Variants in PXDNL observed in about 807,000 individuals in gnomAD.
The protein encoded by PXDNL is peroxidasin like.
A neutral mutation model predicts 150.8 loss-of-function variants in PXDNL; 145 were observed. The observed-to-expected ratio is 0.96, with a 90% CI of 0.84 to 1.10. PXDNL has a LOEUF of 1.10. Ranked by LOEUF, PXDNL falls within the 50% of genes least tolerant of loss-of-function variation. The probability of loss-of-function intolerance (pLI) is 0.00; values close to 1 mark genes in which losing one functional copy is unlikely to be tolerated. For synonymous variants in PXDNL, 757 were observed against 725.7 expected, an observed-to-expected ratio of 1.04 and a Z score of -0.69; for missense variants, 2,087 against 1,873.9, an observed-to-expected ratio of 1.11 and a Z score of -2.10.
chr8:51,525,107 T>A (rs1274611922), intron 4 of PXDNL, among the ~76,000 whole-genome samples: 1 of 150,106 alleles, frequency 6.7e-6, no homozygotes, highest in Non-Finnish European at 1.5e-5. Context: ...TAAGTTTATG[T>A]GTCACCTTTA....
intron 2 of PXDNL, among the ~76,000 whole-genome samples, chr8:51,602,048 C>T (rs1276934364): frequency 6.6e-6 from 1 of 151,866 alleles, no homozygotes; most frequent in East Asian, 1.9e-4. Context: ...TGAAAATAGG[C>T]CCCCAAACTC....
Position 51,637,571 on chromosome 8 carries a change from C to T in PXDNL, c.236+17118G>A, listed in dbSNP as rs796624362. Among the ~76,000 whole-genome samples the T allele has an allele frequency of 4.6e-5, 7 of 152,080 alleles. 1 individual carries two copies. The highest frequency in any genetic ancestry group is 1.4e-4 in the African/African-American group (6 of 41,474). Reference sequence around the variant, plus strand: ...TAATGAATGCACAAGCTTCAGTAGCCGATTCTATCAACCGGAAGAAAGGGT... The same window carrying T: ...TAATGAATGCACAAGCTTCAGTAGCTGATTCTATCAACCGGAAGAAAGGGT... On this transcript the variant is annotated intron_variant, in intron 2 of 22. Coordinates refer to ENST00000356297, the MANE Select transcript of PXDNL (RefSeq NM_144651.5).
intron 18 of PXDNL, among the ~76,000 whole-genome samples, chr8:51,374,065 T>C (rs1194228882): frequency 2.0e-5 from 3 of 152,238 alleles, no homozygotes; most frequent in Non-Finnish European, 2.9e-5. Flanking sequence ...CCCAGTTATC[T>C]TTCCACTCGT....
chr8:51,469,529 T>C (rs922775048), intron 8 of PXDNL, among the ~76,000 whole-genome samples: 2 of 152,072 alleles, frequency 1.3e-5, no homozygotes, highest in Admixed American at 1.3e-4. Context: ...CCCACATACC[T>C]ACTTTCTAAT....
At chr8:51,506,346 T>G (rs555126205) in intron 4 of PXDNL, among the ~76,000 whole-genome samples, 79 of 151,962 alleles carry the variant, frequency 5.2e-4, no homozygotes, top group South Asian at 4.4e-3. Context: ...ATTGAGACCA[T>G]CCTGGCCAAC....
At chr8:51,323,436 C>T (rs985665666) in intron 21 of PXDNL, among the ~76,000 whole-genome samples, 4 of 151,988 alleles carry the variant, frequency 2.6e-5, no homozygotes, top group East Asian at 1.9e-4. Context: ...TATGCCACCA[C>T]GTCCAGCTAA....
At chr8:51,383,674 A>G (rs1051914434) in intron 17 of PXDNL, among the ~76,000 whole-genome samples, 1 of 152,224 alleles carries the variant, frequency 6.6e-6, no homozygotes, top group Non-Finnish European at 1.5e-5. Context: ...ACATGGAATA[A>G]TAAGAGTAAA....
chr8:51,436,095 CCCCTTTTGTCTTGA>C, intron 12 of PXDNL: 2 of 512,738 alleles, frequency 3.9e-6, no homozygotes, highest in Non-Finnish European at 7.9e-6. Flanking sequence ...AAGGTTCTTG[CCCCTTTTGTCTTGA>C]CCCAGCTTTT....
Position 51,371,969 on chromosome 8 carries a change from C to T in PXDNL, c.3805G>A (p.Ala1269Thr), listed in dbSNP as rs1807129595. 1 of 1,613,938 alleles carries T rather than the reference C, an allele frequency of 6.2e-7. No individual in the cohort carries two copies. The highest frequency in any genetic ancestry group is 8.5e-7 in the Non-Finnish European group (1 of 1,179,888). The change falls in exon 19 of 23, where the codon GCT becomes ACT. Residue 1269 changes from alanine to threonine, a missense_variant. Ala to Thr is a moderately conservative substitution (Grantham distance 58). Transcript: ENST00000356297. Reference sequence around the variant, plus strand: ...TATTCTGCCTTTACAAAGACATCAGCCTGCACTTGCTGAATGCTGTCACCA... The same window carrying T: ...TATTCTGCCTTTACAAAGACATCAGTCTGCACTTGCTGAATGCTGTCACCA... ...DNGDSIQQVQ[A>T]DVFVKAEYPQ...
At chr8:51,521,069 G>A (rs759521372) in intron 4 of PXDNL, among the ~76,000 whole-genome samples, 3 of 151,778 alleles carry the variant, frequency 2.0e-5, no homozygotes, top group Non-Finnish European at 2.9e-5. Context: ...GCATGACCCC[G>A]TTTCTGCAAA....
At chr8:51,478,642 G>A (rs1284750805) in intron 6 of PXDNL, among the ~76,000 whole-genome samples, 5 of 152,216 alleles carry the variant, frequency 3.3e-5, no homozygotes, top group Admixed American at 3.3e-4. Context: ...CACGCCCAGA[G>A]TCAAGGGCAG....
rs186948127 is a variant in PXDNL at position 51,574,822 on chromosome 8, G to A, written c.308+17805C>T. Among the ~76,000 whole-genome samples the A allele has an allele frequency of 7.9e-5, 12 of 151,986 alleles. 1 individual carries two copies. The highest frequency in any genetic ancestry group is 7.9e-4 in the Admixed American group (12 of 15,242). On this transcript the variant is annotated intron_variant, in intron 3 of 22. Transcript: ENST00000356297. Reference sequence around the variant, plus strand: ...CTATATCTAGCTAAAGTACTCTTCAGGAATAAAGGGTAAACCAAGACATTC... The same window carrying A: ...CTATATCTAGCTAAAGTACTCTTCAAGAATAAAGGGTAAACCAAGACATTC...
chr8:51,349,708 T>C (rs1178283573), intron 19 of PXDNL, among the ~76,000 whole-genome samples: 4 of 152,176 alleles, frequency 2.6e-5, no homozygotes, highest in Non-Finnish European at 5.9e-5. Flanking sequence ...CCGTGGTGAA[T>C]AAACAAGGTC....
chr8:51,639,772 G>T (rs1264188073), intron 2 of PXDNL, among the ~76,000 whole-genome samples: 1 of 152,038 alleles, frequency 6.6e-6, no homozygotes, highest in Non-Finnish European at 1.5e-5. Context: ...TCTACCAGAG[G>T]TACAAGGAGG....
chr8:51,622,729 T>C (rs1814282719), intron 2 of PXDNL, among the ~76,000 whole-genome samples: 1 of 152,162 alleles, frequency 6.6e-6, no homozygotes, highest in African/African-American at 2.4e-5. Flanking sequence ...CTGGGCTCAG[T>C]TTCTTCTGCA....
intron 2 of PXDNL, among the ~76,000 whole-genome samples, chr8:51,603,536 G>A (rs1813773830): frequency 6.6e-6 from 1 of 151,838 alleles, no homozygotes; most frequent in African/African-American, 2.4e-5. Context: ...TTGAATATAG[G>A]ATATTGATTT....
intron 2 of PXDNL, among the ~76,000 whole-genome samples, chr8:51,612,639 G>A (rs117964360): frequency 8.5e-5 from 13 of 152,186 alleles, no homozygotes; most frequent in South Asian, 2.1e-4. Context: ...TGGGATTAGC[G>A]CCCTTATAAA....
Position 51,472,322 on chromosome 8 carries a change from T to A in PXDNL, c.695-18A>T, listed in dbSNP as rs1343131517. On this transcript the variant is annotated intron_variant, in intron 7 of 22. Coordinates refer to ENST00000356297, the MANE Select transcript of PXDNL (RefSeq NM_144651.5). ...GGGGCTCTCTGCAACAAAAGAATTA[T>A]TGATGTATTTTTCAGAGATACAAAA... 1.3e-6 allele frequency: 2 copies of A among 1,581,776 alleles called. No homozygotes were observed. The highest frequency in any genetic ancestry group is 2.2e-5 in the South Asian group (2 of 90,060).
chr8:51,663,691 C>T (rs1329333995), intron 1 of PXDNL, among the ~76,000 whole-genome samples: 1 of 152,118 alleles, frequency 6.6e-6, no homozygotes, highest in East Asian at 1.9e-4. Flanking sequence ...ATTTCTTCAT[C>T]TGCTACATAC....
Sources: gnomAD v4.1 joint callset for allele counts (sites outside exome capture counted in the v4.1 genomes callset) on GRCh38, gnomAD v4.1.1 for gene constraint, MANE v1.5 for transcripts, NCBI Gene and HGNC (gene_info 2026-07-23, HGNC 2026-07-21) for gene names.